The following CX3CR1 variants were observed in gnomAD, a reference collection of about 807,000 sequenced individuals.
The protein encoded by CX3CR1 is C-X3-C motif chemokine receptor 1, also known as CX3C chemokine receptor 1.
For missense variants in CX3CR1, 363 were observed against 432.4 expected, an observed-to-expected ratio of 0.84 and a Z score of 1.42; for synonymous variants, 168 against 178.5, an observed-to-expected ratio of 0.94 and a Z score of 0.47.
At chr3:39,286,355 TAA>T (rs1436319758), upstream of CX3CR1, 1 of 152,276 alleles carries the variant, frequency 6.6e-6, no homozygotes, top group African/African-American at 2.4e-5. Flanking sequence ...CTGTTTAATA[TAA>T]GACTATAATT....
At chr3:39,283,853 A>G (rs114966182), upstream of CX3CR1, among the ~76,000 whole-genome samples, 1,593 of 123,928 alleles carry the variant, frequency 0.013, 59 homozygotes, top group African/African-American at 0.044. Flanking sequence ...TGTGGTTAAT[A>G]GGCACAAAAA....
At chr3:39,278,244 C>G (rs1427345569) in intron 1 of CX3CR1, among the ~76,000 whole-genome samples, 2 of 152,210 alleles carry the variant, frequency 1.3e-5, no homozygotes, top group Non-Finnish European at 2.9e-5. Context: ...GTGGCAAGTG[C>G]CAGGTAAGCC....
chr3:39,278,094 A>G (rs1003671783), intron 1 of CX3CR1, among the ~76,000 whole-genome samples: 2 of 152,152 alleles, frequency 1.3e-5, no homozygotes, highest in Non-Finnish European at 2.9e-5. Flanking sequence ...TTCATTCCTG[A>G]CTTCATTCCT....
At position 39,266,459 on chromosome 3, in the gene CX3CR1, C is replaced by G. The variant is rs1477667757; in HGVS notation, c.51G>C (p.Leu17Phe). ...SVTENFEYDD[L>F]AEACYIGDIV... Reference sequence around the variant, plus strand: ...TGTCCCCAATATAACAGGCCTCAGCCAAATCATCGTACTCAAAGTTTTCTG... The same window carrying G: ...TGTCCCCAATATAACAGGCCTCAGCGAAATCATCGTACTCAAAGTTTTCTG... The change falls in exon 2 of 2, where the codon TTG becomes TTC. Residue 17 changes from leucine to phenylalanine, a missense_variant. Physicochemically the swap from Leu to Phe is conservative, Grantham distance 22. Coordinates refer to ENST00000399220, the MANE Select transcript of CX3CR1 (RefSeq NM_001337.4). 6.2e-7 allele frequency: 1 copy of G among 1,614,140 alleles called. No individual in the cohort carries two copies. The highest frequency in any genetic ancestry group is 1.1e-5 in the South Asian group (1 of 91,076).
At chr3:39,272,112 A>G (rs531742680) in intron 1 of CX3CR1, among the ~76,000 whole-genome samples, 18 of 152,222 alleles carry the variant, frequency 1.2e-4, no homozygotes, top group Non-Finnish European at 1.9e-4. Context: ...TTTCATATCC[A>G]CAAGGGTTGT....
At chr3:39,272,899 G>C (rs1209571421) in intron 1 of CX3CR1, among the ~76,000 whole-genome samples, 2 of 152,182 alleles carry the variant, frequency 1.3e-5, no homozygotes, top group Non-Finnish European at 2.9e-5. Flanking sequence ...TGCCTGCTAA[G>C]TGTCATGCTC....
In CX3CR1 at chr3:39,265,649, G is replaced by A. The variant is rs1255591890; in HGVS notation, c.861C>T (p.Cys287=). 6.2e-7 allele frequency: 1 copy of A among 1,614,166 alleles called. No homozygotes were observed. Among genetic ancestry groups the A allele is most frequent in the South Asian group, 1.1e-5 (1 of 91,084 alleles). Residue 287 remains cysteine, a synonymous_variant, in exon 2 of 2, where the codon TGC becomes TGT. Transcript: ENST00000399220. ...VTETVAFSHC[C]LNPLIYAFAG... ...CAAATGCATAGATGAGAGGATTCAG[G>A]CAACAATGGCTAAATGCAACCGTCT...
At chr3:39,288,582 T>G in the CX3CR1 span, among the ~76,000 whole-genome samples, 1 of 152,236 alleles carries the variant, frequency 6.6e-6, no homozygotes, top group Non-Finnish European at 1.5e-5. Flanking sequence ...TCAGCAGAGA[T>G]GGCCCCACCT....
intron 1 of CX3CR1, among the ~76,000 whole-genome samples, chr3:39,273,251 G>T (rs2040801202): frequency 6.6e-6 from 1 of 152,236 alleles, no homozygotes; most frequent in African/African-American, 2.4e-5. Flanking sequence ...CCAGCAGGCT[G>T]CCCCTCAGGG....
chr3:39,289,686 C>G, the CX3CR1 span, among the ~76,000 whole-genome samples: 1 of 151,866 alleles, frequency 6.6e-6, no homozygotes, highest in Admixed American at 6.5e-5. Flanking sequence ...TTTTGAAGCC[C>G]TAACCCACAA....
the CX3CR1 span, among the ~76,000 whole-genome samples, chr3:39,292,777 T>C: frequency 3.2e-4 from 49 of 152,348 alleles, no homozygotes; most frequent in South Asian, 8.3e-4. Context: ...CTCTGGAACC[T>C]GAATTCTTAC....
chr3:39,270,170 A>G (rs2040760115), intron 1 of CX3CR1, among the ~76,000 whole-genome samples: 2 of 152,214 alleles, frequency 1.3e-5, no homozygotes, highest in Admixed American at 1.3e-4. Flanking sequence ...GGACTCGATG[A>G]CTATCAAACA....
chr3:39,284,529 G>A (rs532598604), upstream of CX3CR1, among the ~76,000 whole-genome samples: 76 of 152,298 alleles, frequency 5.0e-4, no homozygotes, highest in African/African-American at 1.8e-3. Context: ...CTGGGGATTA[G>A]AGGGTGACAT....
chr3:39,279,819 G>T, intron 1 of CX3CR1, 135 bp downstream of exon 1: 1 of 211,498 alleles, frequency 4.7e-6, no homozygotes, highest in African/African-American at 2.3e-5. Context: ...CCATCCCCTT[G>T]GACATATTTA....
chr3:39,291,638 G>A, the CX3CR1 span, among the ~76,000 whole-genome samples: 2 of 152,306 alleles, frequency 1.3e-5, 1 homozygote, highest in South Asian at 4.1e-4. Context: ...TAGGAACAAT[G>A]AAAAGGACAG....
the CX3CR1 span, among the ~76,000 whole-genome samples, chr3:39,288,492 T>G: frequency 6.6e-6 from 1 of 152,186 alleles, no homozygotes; most frequent in African/African-American, 2.4e-5. Context: ...CTCTATCCCC[T>G]GAGCTCTGTC....
upstream of CX3CR1, among the ~76,000 whole-genome samples, chr3:39,284,572 A>G (rs539085749): frequency 3.2e-4 from 49 of 152,322 alleles, no homozygotes; most frequent in Non-Finnish European, 5.0e-4. Context: ...AAATCAATCA[A>G]TGGGTGGGTG....
At chr3:39,281,634 G>T, upstream of CX3CR1, 2 of 1,599,322 alleles carry the variant, frequency 1.3e-6, no homozygotes, top group Non-Finnish European at 1.7e-6. Context: ...CCACCCAGAA[G>T]CCAGAGAGCT....
chr3:39,280,300 A>T, upstream of CX3CR1: 5 of 985,590 alleles, frequency 5.1e-6, no homozygotes, highest in Non-Finnish European at 6.0e-6. Flanking sequence ...AGCAAAGCAC[A>T]GCACAGTCAG....
Sources: gnomAD v4.1 joint callset for allele counts (sites outside exome capture counted in the v4.1 genomes callset) on GRCh38, gnomAD v4.1.1 for gene constraint, MANE v1.5 for transcripts, NCBI Gene and HGNC (gene_info 2026-07-23, HGNC 2026-07-21) for gene names.